The following NUP62 variants were observed in gnomAD, a reference collection of about 807,000 sequenced individuals.
The protein encoded by NUP62 is nuclear pore glycoprotein p62.
For missense variants in NUP62, 647 were observed against 689.4 expected, an observed-to-expected ratio of 0.94 and a Z score of 0.69; for synonymous variants, 305 against 303.4, an observed-to-expected ratio of 1.01 and a Z score of -0.05.
chr19:49,924,920 C>T (rs1336669112), intron 2 of NUP62, among the ~76,000 whole-genome samples: 1 of 152,170 alleles, frequency 6.6e-6, no homozygotes, highest in Non-Finnish European at 1.5e-5. Flanking sequence ...CAGCATAAAC[C>T]GCACATAGCC....
chr19:49,908,266 C>T lies in NUP62; in HGVS notation c.1542G>A (p.Glu514=). The change falls in exon 3 of 3, where the codon GAG becomes GAA. Residue 514 remains glutamate (E), a synonymous_variant. Coordinates refer to ENST00000352066, the MANE Select transcript of NUP62 (RefSeq NM_016553.5). ...AGTCAAAGGTGATCCGGAAGCTGCG[C>T]TCCTGCTCCTTGCGCCGGCCCTCGC... ...KVCEGRRKEQ[E]RSFRITFD is the part of the protein sequence containing the mutation. 6.2e-7 allele frequency: 1 copy of T among 1,613,772 alleles called. No homozygotes were observed.
chr19:49,913,314 C>T lies in NUP62; in HGVS notation c.-77-3430G>A, dbSNP rs560895999. Among the ~76,000 whole-genome samples the T allele has an allele frequency of 2.0e-5, 3 of 152,340 alleles. No individual in the cohort carries two copies. The South Asian group carries it at 6.2e-4, about 32-fold the overall frequency. On this transcript the variant is annotated intron_variant, in intron 2 of 2. Coordinates refer to ENST00000352066, the MANE Select transcript of NUP62 (RefSeq NM_016553.5). Reference sequence around the variant, plus strand: ...TCCAAAGAGAGAAAATGGCCCTTGACCAGCTCCAGGAGAATCTCTATGTTC... The same window carrying T: ...TCCAAAGAGAGAAAATGGCCCTTGATCAGCTCCAGGAGAATCTCTATGTTC...
intron 1 of NUP62, 153 bp from the exon 2 acceptor site, chr19:49,927,968 A>C (rs2075946364): frequency 6.6e-6 from 1 of 152,204 alleles, no homozygotes; most frequent in Admixed American, 6.5e-5. Flanking sequence ...GTGGAAGCTG[A>C]AGGACGGTTT....
chr19:49,927,209 G>A (rs1273637126), intron 2 of NUP62, among the ~76,000 whole-genome samples: 3 of 152,046 alleles, frequency 2.0e-5, no homozygotes, highest in Non-Finnish European at 2.9e-5. Context: ...GGAAACTGAG[G>A]CACAGGGAAG....
intron 2 of NUP62, chr19:49,917,858 C>G (rs1007430576): frequency 1.3e-5 from 2 of 152,136 alleles, no homozygotes; most frequent in Non-Finnish European, 2.9e-5. Context: ...TGGTGAAACC[C>G]CCGTCTCTAC....
intron 2 of NUP62, among the ~76,000 whole-genome samples, chr19:49,920,171 C>T (rs1469973702): frequency 6.6e-6 from 1 of 152,160 alleles, no homozygotes; most frequent in African/African-American, 2.4e-5. Context: ...CAACCTCTGC[C>T]TCCCGGGTTC....
rs1444976264 is a variant in NUP62 at position 49,921,489 on chromosome 19, C to T, written c.-78+6205G>A. On this transcript the variant is annotated intron_variant, in intron 2 of 2. Transcript: ENST00000352066. The surrounding 1 kb of genome is among the most constrained non-coding windows in gnomAD (Gnocchi z 5.4). ...ATCCAATTCAGGATGATCCGCCCGC[C>T]CCAGCTGCAGACGATGGCCTGAGAC... is the stretch of plus-strand genomic sequence containing the variant. Among the ~76,000 whole-genome samples the T allele has an allele frequency of 1.3e-5, 2 of 152,214 alleles. No homozygotes were observed. Among genetic ancestry groups the T allele is most frequent in the Non-Finnish European group, 2.9e-5 (2 of 68,036 alleles).
intron 2 of NUP62, among the ~76,000 whole-genome samples, chr19:49,912,507 A>G (rs2075496256): frequency 6.6e-6 from 1 of 152,138 alleles, no homozygotes; most frequent in African/African-American, 2.4e-5. Flanking sequence ...TTGGTTTCCA[A>G]TACTCAGGTG....
intron 2 of NUP62, among the ~76,000 whole-genome samples, chr19:49,926,944 C>T (rs557891399): frequency 6.6e-6 from 1 of 152,022 alleles, no homozygotes; most frequent in Non-Finnish European, 1.5e-5. Flanking sequence ...CAACCTCCGC[C>T]CCACCCCAGG....
intron 2 of NUP62, among the ~76,000 whole-genome samples, chr19:49,920,377 G>A (rs2085976329): frequency 1.3e-5 from 2 of 152,290 alleles, no homozygotes; most frequent in African/African-American, 2.4e-5. Flanking sequence ...CACCATGCCC[G>A]GCCTAGGAGT....
At chr19:49,915,583 G>T (rs1448652785) in intron 2 of NUP62, among the ~76,000 whole-genome samples, 3 of 152,224 alleles carry the variant, frequency 2.0e-5, no homozygotes, top group Non-Finnish European at 2.9e-5. Flanking sequence ...TGTTACAGCA[G>T]CCACTAGAAA....
intron 2 of NUP62, among the ~76,000 whole-genome samples, chr19:49,924,667 C>G (rs948055745): frequency 6.6e-6 from 1 of 152,156 alleles, no homozygotes; most frequent in Non-Finnish European, 1.5e-5. Context: ...AATGTGCACA[C>G]GAGGGGACTC....
At chr19:49,911,959 G>C (rs965337873) in intron 2 of NUP62, among the ~76,000 whole-genome samples, 1 of 152,200 alleles carries the variant, frequency 6.6e-6, no homozygotes, top group African/African-American at 2.4e-5. Flanking sequence ...ACCTCAAGCC[G>C]GTGTGTTGTT....
Position 49,909,638 on chromosome 19 carries a change from G to C in NUP62, c.170C>G (p.Thr57Ser). Residue 57 changes from threonine (T) to serine (S), a missense_variant, in exon 3 of 3, where the codon ACC becomes AGC. Coordinates refer to ENST00000352066, the MANE Select transcript of NUP62 (RefSeq NM_016553.5). ...CTGGGTGGCAAGTGAGAACAGGCCG[G>C]TGGAAGGGGTACTTGTGGCTGGTTG... Reference protein sequence around the residue: ...PFQPATSTPSTGLFSLATQTP... With the variant: ...PFQPATSTPSSGLFSLATQTP... The C allele has an allele frequency of 6.2e-7, 1 of 1,614,230 alleles. No individual in the cohort carries two copies. The highest frequency in any genetic ancestry group is 8.5e-7 in the Non-Finnish European group (1 of 1,180,036).
chr19:49,908,186 G>A lies in NUP62; in HGVS notation c.*53C>T, dbSNP rs906846027. ...AACCCCAAACTACAGACAACAGGGCGCATTCCCCTCATGAACTCCCTAGGG... is the reference window on the plus strand; with the variant it reads ...AACCCCAAACTACAGACAACAGGGCACATTCCCCTCATGAACTCCCTAGGG... On this transcript the variant is annotated 3_prime_UTR_variant, in exon 3 of 3. Coordinates refer to ENST00000352066, the MANE Select transcript of NUP62 (RefSeq NM_016553.5). The A allele has an allele frequency of 1.9e-6, 3 of 1,598,270 alleles. No homozygotes were observed. The highest frequency in any genetic ancestry group is 2.6e-6 in the Non-Finnish European group (3 of 1,175,646).
chr19:49,918,902 G>C (rs1490216526), intron 2 of NUP62, among the ~76,000 whole-genome samples: 37 of 149,358 alleles, frequency 2.5e-4, no homozygotes, highest in African/African-American at 8.1e-4. Flanking sequence ...GGCTGGGGGG[G>C]GGGGGGCGGG....
rs60350799 is a variant in NUP62 at position 49,912,166 on chromosome 19, CTTTT to C, written c.-77-2286_-77-2283del. Among the ~76,000 whole-genome samples, 15 of 115,476 alleles carry C rather than the reference CTTTT, an allele frequency of 1.3e-4. 1 individual carries two copies. The highest frequency in any genetic ancestry group is 4.9e-4 in the African/African-American group (15 of 30,776). 75.8% of individuals were successfully genotyped at this position (115,476 alleles called of 152,430 possible). ...GGACTTGTCTGGCTTAACAGTTCACCTTTTTTTTTTTTTTTTTTTTGAGACGGGA... is the reference window on the plus strand; with the variant it reads ...GGACTTGTCTGGCTTAACAGTTCACCTTTTTTTTTTTTTTTTGAGACGGGA... On this transcript the variant is annotated intron_variant, in intron 2 of 2. Transcript: ENST00000352066.
At position 49,908,199 on chromosome 19, in the gene NUP62, G is replaced by C; in HGVS notation, c.*40C>G. 6.2e-7 allele frequency: 1 copy of C among 1,606,496 alleles called. No homozygotes were observed. The highest frequency in any genetic ancestry group is 8.5e-7 in the Non-Finnish European group (1 of 1,178,764). Reference sequence around the variant, plus strand: ...AGACAACAGGGCGCATTCCCCTCATGAACTCCCTAGGGACCTGCGGGCCCC... The same window carrying C: ...AGACAACAGGGCGCATTCCCCTCATCAACTCCCTAGGGACCTGCGGGCCCC... On this transcript the variant is annotated 3_prime_UTR_variant, in exon 3 of 3. Coordinates refer to ENST00000352066, the MANE Select transcript of NUP62 (RefSeq NM_016553.5).
Position 49,907,979 on chromosome 19 carries a change from C to A in NUP62, c.*260G>T. On this transcript the variant is annotated 3_prime_UTR_variant, in exon 3 of 3. Coordinates refer to ENST00000352066, the MANE Select transcript of NUP62 (RefSeq NM_016553.5). The stretch of plus-strand genomic sequence containing the variant: ...GCTGAGCCAGGATGAGGTGGGTGGT[C>A]GCAGTAGGTGAAAAGGGGCCAAAGA... 1.6e-6 allele frequency: 1 copy of A among 643,604 alleles called. No homozygotes were observed. The highest frequency in any genetic ancestry group is 2.1e-5 in the South Asian group (1 of 48,512). The allele number at this position is 643,604 out of a possible 1,614,324, so 39.9% of individuals were successfully genotyped here. A position where few individuals can be genotyped will look rare whatever the true frequency, so the allele number is the denominator to read the frequency against.
Sources: allele counts gnomAD v4.1 joint callset (sites outside exome capture counted in the v4.1 genomes callset), GRCh38; gene constraint gnomAD v4.1.1; non-coding constraint Gnocchi (gnomAD v3.1); transcripts MANE v1.5; gene names NCBI Gene and HGNC (gene_info 2026-07-23, HGNC 2026-07-21).